The following MEGF11 variants were observed in gnomAD, a reference collection of about 807,000 sequenced individuals.
MEGF11 encodes multiple epidermal growth factor-like domains protein 11.
A neutral mutation model predicts 146.6 loss-of-function variants in MEGF11; 126 were observed. That is an observed-to-expected ratio of 0.86 (90% CI 0.74 to 1.00). The LOEUF (loss-of-function observed/expected upper bound fraction) is 1.00. Among genes scored for constraint, MEGF11 ranks in the 50% least tolerant of loss-of-function variants. MEGF11 has a pLI of 0.00. For missense variants in MEGF11, 1,509 were observed against 1,521.2 expected, an observed-to-expected ratio of 0.99 and a Z score of 0.13; for synonymous variants, 532 against 583.4, an observed-to-expected ratio of 0.91 and a Z score of 1.27.
At chr15:65,998,412 C>A (rs2141819279) in intron 5 of MEGF11, among the ~76,000 whole-genome samples, 1 of 152,280 alleles carries the variant, frequency 6.6e-6, no homozygotes, top group East Asian at 1.9e-4. Context: ...GCAGGAGGAG[C>A]AGTTGGGGCA....
At chr15:66,222,612 T>A (rs1239176507) in intron 1 of MEGF11, among the ~76,000 whole-genome samples, 1 of 152,222 alleles carries the variant, frequency 6.6e-6, no homozygotes, top group Non-Finnish European at 1.5e-5. Flanking sequence ...GTGCCTGGTT[T>A]GTAGTAGGCT....
intron 10 of MEGF11, among the ~76,000 whole-genome samples, chr15:65,950,948 C>G (rs1351583551): frequency 6.6e-6 from 1 of 152,240 alleles, no homozygotes; most frequent in Non-Finnish European, 1.5e-5. Context: ...TACTGTAAAG[C>G]TCAGGAATGT....
At chr15:66,157,874 G>T (rs762328086) in intron 1 of MEGF11, among the ~76,000 whole-genome samples, 3 of 152,000 alleles carry the variant, frequency 2.0e-5, no homozygotes, top group Non-Finnish European at 4.4e-5. Context: ...TTGTTGCAAA[G>T]TATTTTTTTT....
chr15:66,235,114 G>A (rs1472109715), intron 1 of MEGF11, among the ~76,000 whole-genome samples: 1 of 152,216 alleles, frequency 6.6e-6, no homozygotes, highest in Non-Finnish European at 1.5e-5. Flanking sequence ...ATCTTCCTCT[G>A]CTTAAATCCC....
intron 1 of MEGF11, among the ~76,000 whole-genome samples, chr15:66,173,246 G>A (rs1252408350): frequency 6.6e-6 from 1 of 152,134 alleles, no homozygotes; most frequent in African/African-American, 2.4e-5. Context: ...CAATAGATCT[G>A]GGGTCCAAGT....
intron 1 of MEGF11, among the ~76,000 whole-genome samples, chr15:66,177,788 G>C (rs1399640735): frequency 6.6e-6 from 1 of 150,696 alleles, no homozygotes; most frequent in Non-Finnish European, 1.5e-5. Context: ...GGGTTCAAAC[G>C]ATCTTCCTTC....
chr15:66,171,457 C>T (rs1187497812), intron 1 of MEGF11, among the ~76,000 whole-genome samples: 1 of 152,072 alleles, frequency 6.6e-6, no homozygotes, highest in Non-Finnish European at 1.5e-5. Context: ...ATTCCAAGGA[C>T]AGAGAGGACT....
At chr15:66,238,136 C>T (rs530429044) in intron 1 of MEGF11, among the ~76,000 whole-genome samples, 2 of 152,262 alleles carry the variant, frequency 1.3e-5, no homozygotes, top group South Asian at 4.1e-4. Flanking sequence ...AACTGGGCTG[C>T]CACCCAGCCA....
intron 10 of MEGF11, among the ~76,000 whole-genome samples, chr15:65,936,083 A>C (rs1002228089): frequency 6.6e-6 from 1 of 152,166 alleles, no homozygotes; most frequent in East Asian, 1.9e-4. Context: ...CCAAGTCTAC[A>C]TGGGTTGGCA....
intron 5 of MEGF11, among the ~76,000 whole-genome samples, chr15:65,990,850 A>G (rs982092572): frequency 5.9e-5 from 9 of 152,220 alleles, no homozygotes; most frequent in African/African-American, 2.2e-4. Flanking sequence ...AACAGGCCAG[A>G]GGACACAGGG....
At chr15:66,225,400 G>A (rs769562272) in intron 1 of MEGF11, among the ~76,000 whole-genome samples, 3 of 152,244 alleles carry the variant, frequency 2.0e-5, no homozygotes, top group South Asian at 4.1e-4. Context: ...GCTGTTCTCC[G>A]TAGGTAATAT....
At chr15:65,917,310 T>A (rs984068055) in intron 16 of MEGF11, among the ~76,000 whole-genome samples, 1 of 152,120 alleles carries the variant, frequency 6.6e-6, no homozygotes, top group Non-Finnish European at 1.5e-5. Flanking sequence ...CCCATGAGAA[T>A]GGGGACTTTC....
At position 65,909,082 on chromosome 15, in the gene MEGF11, A is replaced by G; in HGVS notation, c.2950T>C (p.Tyr984His). The stretch of plus-strand genomic sequence containing the variant: ...CGGCTGAGGTGTCTAAGTTCAATGT[A>G]GAAGTCCTCGGGCGGGTACCTGGCC... ...LEARYPPEDF[Y>H]IELRHLSRPA... The change falls in exon 23 of 26, where the codon TAC (tyrosine) becomes CAC (histidine). Residue 984 changes from tyrosine (Y) to histidine (H), a missense_variant. Tyr to His is a moderately conservative substitution (Grantham distance 83). Transcript: ENST00000395614. 1 of 1,535,802 alleles carries G rather than the reference A, an allele frequency of 6.5e-7. No homozygotes were observed. Among genetic ancestry groups the G allele is most frequent in the Non-Finnish European group, 8.7e-7 (1 of 1,146,782 alleles).
intron 1 of MEGF11, among the ~76,000 whole-genome samples, chr15:66,203,302 C>T (rs947052091): frequency 1.3e-5 from 2 of 152,188 alleles, no homozygotes; most frequent in East Asian, 3.8e-4. Flanking sequence ...TTTTTACGGG[C>T]ATGATAAATT....
intron 2 of MEGF11, among the ~76,000 whole-genome samples, chr15:66,126,361 C>G (rs2088346642): frequency 6.6e-6 from 1 of 152,218 alleles, no homozygotes; most frequent in African/African-American, 2.4e-5. Context: ...CAGAGAGTCC[C>G]CAGACCTCAT....
chr15:66,048,536 G>T (rs2084318360), intron 5 of MEGF11, among the ~76,000 whole-genome samples: 1 of 152,202 alleles, frequency 6.6e-6, no homozygotes. Context: ...CTGACTCCCT[G>T]CCCACAAAAC....
At chr15:66,102,541 C>T (rs2086867483) in intron 4 of MEGF11, among the ~76,000 whole-genome samples, 1 of 151,634 alleles carries the variant, frequency 6.6e-6, no homozygotes, top group Non-Finnish European at 1.5e-5. Flanking sequence ...ATCCTCCTGC[C>T]TCAGCCTCCC....
rs59635353 is a variant in MEGF11 at position 66,097,752 on chromosome 15, CAAA to C, written c.302-3261_302-3259del. Among the ~76,000 whole-genome samples the C allele has an allele frequency of 9.9e-3, 1,376 of 138,858 alleles. 6 individuals are homozygous for C. Among genetic ancestry groups the C allele is most frequent in the South Asian group, 0.014 (60 of 4,286 alleles). 91.1% of individuals were successfully genotyped at this position (138,858 alleles called of 152,430 possible). The stretch of plus-strand genomic sequence containing the variant: ...AGCGAGACTCCATCTCAAAAAACTA[CAAA>C]AAAAAAAAAAAAAATGCCATCTGTT... On this transcript the variant is annotated intron_variant, in intron 4 of 25. Transcript: ENST00000395614.
At chr15:66,230,686 A>G (rs1567292393) in intron 1 of MEGF11, among the ~76,000 whole-genome samples, 1 of 152,254 alleles carries the variant, frequency 6.6e-6, no homozygotes, top group Non-Finnish European at 1.5e-5. Context: ...ATGAAACAAG[A>G]TAGGCAAAAT....
Sources: gnomAD v4.1 joint callset for allele counts (sites outside exome capture counted in the v4.1 genomes callset) on GRCh38, gnomAD v4.1.1 for gene constraint, MANE v1.5 for transcripts, NCBI Gene and HGNC (gene_info 2026-07-23, HGNC 2026-07-21) for gene names.